RTN1: variants seen among roughly 807,000 people sequenced by gnomAD.
RTN1 encodes reticulon 1.
RTN1 carries 25 observed loss-of-function variants against 65.5 expected under a neutral mutation model. The ratio of observed to expected loss-of-function variants is 0.38; its 90% CI spans 0.28 to 0.53. The LOEUF is 0.53. Ranked by LOEUF, RTN1 falls within the 20% of genes least tolerant of loss-of-function variation. The pLI, the probability that RTN1 is intolerant of heterozygous loss-of-function variation, is 0.79. For synonymous variants in RTN1, 471 were observed against 447.6 expected (o/e 1.05, Z -0.66); for missense variants, 983 against 1,025.4 (o/e 0.96, Z 0.57).
At chr14:59,776,841 A>G (rs1204848897) in intron 1 of RTN1, among the ~76,000 whole-genome samples, 1 of 152,176 alleles carries the variant, frequency 6.6e-6, no homozygotes, top group Admixed American at 6.5e-5. Context: ...AACTCAGTTT[A>G]CCAGAAATAA....
intron 1 of RTN1, among the ~76,000 whole-genome samples, chr14:59,869,307 AC>A (rs1887848716): frequency 6.7e-6 from 1 of 148,968 alleles, no homozygotes; most frequent in East Asian, 2.0e-4. Context: ...CTCTGGGAGC[AC>A]CCCCCACCCC....
intron 1 of RTN1, among the ~76,000 whole-genome samples, chr14:59,830,854 AATT>A (rs1887113072): frequency 6.6e-6 from 1 of 152,194 alleles, no homozygotes. Context: ...AAGGCTAAAT[AATT>A]ATTATCTATA....
intron 1 of RTN1, among the ~76,000 whole-genome samples, chr14:59,814,336 T>C (rs1886781490): frequency 6.6e-6 from 1 of 152,198 alleles, no homozygotes; most frequent in Non-Finnish European, 1.5e-5. Flanking sequence ...CAAAAGTCAC[T>C]GTAGTAAAGT....
intron 1 of RTN1, among the ~76,000 whole-genome samples, chr14:59,861,721 T>G (rs1029999846): frequency 6.6e-6 from 1 of 152,258 alleles, no homozygotes; most frequent in Admixed American, 6.5e-5. Context: ...AATTTTGCTC[T>G]GTGAAATCAG....
intron 3 of RTN1, among the ~76,000 whole-genome samples, chr14:59,633,429 TAAATG>T (rs1168200537): frequency 6.6e-6 from 1 of 152,228 alleles, no homozygotes; most frequent in Non-Finnish European, 1.5e-5. Context: ...ATAATACAAA[TAAATG>T]GAAGCTTTAG....
intron 1 of RTN1, among the ~76,000 whole-genome samples, chr14:59,831,477 AC>A (rs1340058948): frequency 6.6e-6 from 1 of 152,162 alleles, no homozygotes; most frequent in Non-Finnish European, 1.5e-5. Context: ...CAACCTTCAG[AC>A]TGGAACTACA....
intron 1 of RTN1, among the ~76,000 whole-genome samples, chr14:59,756,459 T>C (rs1315684602): frequency 6.6e-6 from 1 of 152,194 alleles, no homozygotes; most frequent in Non-Finnish European, 1.5e-5. Context: ...AGTGTTTGTA[T>C]ACTAATAGTT....
chr14:59,777,993 CT>C (rs1886086264), intron 1 of RTN1, among the ~76,000 whole-genome samples: 1 of 152,118 alleles, frequency 6.6e-6, no homozygotes, highest in Non-Finnish European at 1.5e-5. Flanking sequence ...CCAAAGCACA[CT>C]GTGTTGCTTT....
intron 3 of RTN1, among the ~76,000 whole-genome samples, chr14:59,707,054 A>ACTGAAGAACTGCTGAATT (rs1884310245): frequency 1.3e-5 from 2 of 152,358 alleles, no homozygotes; most frequent in South Asian, 4.1e-4. Flanking sequence ...CATGTGCTGA[A>ACTGAAGAACTGCTGAATT]CTGAAGAACT....
At chr14:59,775,842 A>G (rs1886040533) in intron 1 of RTN1, among the ~76,000 whole-genome samples, 1 of 152,192 alleles carries the variant, frequency 6.6e-6, no homozygotes, top group Non-Finnish European at 1.5e-5. Context: ...ATACAGCAGA[A>G]AGTTGTCTCT....
chr14:59,621,303 C>T (rs544514098), intron 3 of RTN1, among the ~76,000 whole-genome samples: 9 of 152,200 alleles, frequency 5.9e-5, no homozygotes, highest in African/African-American at 1.9e-4. Flanking sequence ...AAAAGCCAGG[C>T]GAGAGTTTCA....
chr14:59,682,430 T>C (rs1392199922), intron 3 of RTN1, among the ~76,000 whole-genome samples: 2 of 152,200 alleles, frequency 1.3e-5, no homozygotes, highest in African/African-American at 4.8e-5. Flanking sequence ...AGGATTCCAC[T>C]TGCCTTTCCT....
intron 1 of RTN1, among the ~76,000 whole-genome samples, chr14:59,835,304 A>G (rs1413590408): frequency 2.0e-5 from 3 of 152,174 alleles, no homozygotes; most frequent in Non-Finnish European, 4.4e-5. Context: ...AAGGAAACTA[A>G]TGAAAAGTGA....
chr14:59,749,116 A>C (rs867774822), intron 1 of RTN1, among the ~76,000 whole-genome samples: 5 of 58,790 alleles, frequency 8.5e-5, no homozygotes, highest in East Asian at 8.1e-4. Context: ...ATATATATAT[A>C]TATATATAGA....
At chr14:59,728,337 T>C (rs1472729533) in intron 2 of RTN1, among the ~76,000 whole-genome samples, 4 of 149,862 alleles carry the variant, frequency 2.7e-5, no homozygotes, top group Non-Finnish European at 5.9e-5. Flanking sequence ...GCTGTGCAGA[T>C]TACCATAATG....
In RTN1 at chr14:59,675,356, G is replaced by A. The variant is rs546964644; in HGVS notation, c.1765+51563C>T. 2.0e-5 allele frequency among the ~76,000 whole-genome samples: 3 copies of A among 151,088 alleles called. No homozygotes were observed. In the South Asian group the frequency reaches 6.3e-4, roughly 32 times the overall value. On this transcript the variant is annotated intron_variant, in intron 3 of 8. Coordinates refer to ENST00000267484, the MANE Select transcript of RTN1 (RefSeq NM_021136.3). ...CCAGGGAATATAAAGACAGAAGTCA[G>A]AATGCTCAGTAGGAAGCTGGAATGC...
chr14:59,658,558 G>C (rs932450523), intron 3 of RTN1, among the ~76,000 whole-genome samples: 1 of 152,238 alleles, frequency 6.6e-6, no homozygotes, highest in Non-Finnish European at 1.5e-5. Context: ...AATCTTTGCT[G>C]CTCTGCAGCC....
At chr14:59,780,767 TC>T (rs1178289823) in intron 1 of RTN1, among the ~76,000 whole-genome samples, 1 of 152,216 alleles carries the variant, frequency 6.6e-6, no homozygotes, top group African/African-American at 2.4e-5. Context: ...TAGTAGTGAA[TC>T]CAATTGTATC....
intron 3 of RTN1, among the ~76,000 whole-genome samples, chr14:59,699,707 G>A (rs1884140755): frequency 6.6e-6 from 1 of 152,074 alleles, no homozygotes; most frequent in Non-Finnish European, 1.5e-5. Context: ...ATAAGAAAAG[G>A]AAACTAAAAT....
Sources: gnomAD v4.1 joint callset for allele counts (sites outside exome capture counted in the v4.1 genomes callset) on GRCh38, gnomAD v4.1.1 for gene constraint, MANE v1.5 for transcripts, NCBI Gene and HGNC (gene_info 2026-07-23, HGNC 2026-07-21) for gene names.